LRRC7: variants seen among roughly 807,000 people sequenced by gnomAD.
The protein encoded by LRRC7 is leucine rich repeat containing 7.
Under a neutral mutation model 175.7 loss-of-function variants are expected in LRRC7, and 23 were observed. The observed-to-expected ratio is 0.13, with a 90% CI of 0.09 to 0.19. The LOEUF (loss-of-function observed/expected upper bound fraction) is 0.19, where lower values mean the gene tolerates loss of function less well. Among genes scored for constraint, LRRC7 ranks in the 10% least tolerant of loss-of-function variants. The pLI is 1.00. For synonymous variants in LRRC7, 685 were observed against 680.9 expected (o/e 1.01, Z -0.09); for missense variants, 1,354 against 1,904.7 (o/e 0.71, Z 5.38).
chr1:69,666,613 A>T (rs1658309549), intron 1 of LRRC7, among the ~76,000 whole-genome samples: 1 of 152,052 alleles, frequency 6.6e-6, no homozygotes, highest in Non-Finnish European at 1.5e-5. Flanking sequence ...ATACTTGCTC[A>T]TAGTAACCAC....
rs149613470 is a variant in LRRC7 at position 69,631,472 on chromosome 1, C to G, written c.3-46909C>G. Among the ~76,000 whole-genome samples the G allele has an allele frequency of 6.9e-3, 1,044 of 152,138 alleles. 7 individuals are homozygous for G. Among genetic ancestry groups the G allele is most frequent in the African/African-American group, 0.024 (987 of 41,506 alleles). On this transcript the variant is annotated intron_variant, in intron 1 of 26. Transcript: ENST00000651989. ...TGACTTGTAGCTACAAGGTTTATCTCAAGGTGTGATGTCATCTTGATGATT... is the reference window on the plus strand; with the variant it reads ...TGACTTGTAGCTACAAGGTTTATCTGAAGGTGTGATGTCATCTTGATGATT...
intron 23 of LRRC7, among the ~76,000 whole-genome samples, chr1:70,074,227 G>A (rs1025336447): frequency 2.6e-4 from 39 of 150,410 alleles, no homozygotes; most frequent in Non-Finnish European, 4.1e-4. Flanking sequence ...AAATACATCC[G>A]ATCAAAATGT....
intron 2 of LRRC7, among the ~76,000 whole-genome samples, chr1:69,710,845 A>G (rs1325539884): frequency 6.6e-6 from 1 of 152,140 alleles, no homozygotes; most frequent in Admixed American, 6.6e-5. Context: ...TTCATATTGC[A>G]TCCCAGAGCC....
At chr1:69,755,377 A>AAT (rs1670299095) in intron 2 of LRRC7, among the ~76,000 whole-genome samples, 1 of 148,996 alleles carries the variant, frequency 6.7e-6, no homozygotes. Flanking sequence ...ATCCTTGCAA[A>AAT]ATATATATAT....
At chr1:69,722,692 A>G (rs1666493010) in intron 2 of LRRC7, among the ~76,000 whole-genome samples, 1 of 152,058 alleles carries the variant, frequency 6.6e-6, no homozygotes, top group Non-Finnish European at 1.5e-5. Flanking sequence ...GAATTACTTC[A>G]AGTTGCGTTT....
intron 7 of LRRC7, among the ~76,000 whole-genome samples, chr1:69,897,014 T>C (rs183715454): frequency 6.6e-5 from 10 of 152,278 alleles, no homozygotes; most frequent in Admixed American, 2.6e-4. Context: ...TAATGCTTTG[T>C]TTTAGCATCA....
chr1:69,905,164 C>T (rs1397163402), intron 7 of LRRC7, among the ~76,000 whole-genome samples: 3 of 151,964 alleles, frequency 2.0e-5, no homozygotes, highest in Non-Finnish European at 4.4e-5. Context: ...CATGCATATG[C>T]CTTTATGCTA....
chr1:69,705,554 A>G (rs1663930866), intron 2 of LRRC7, among the ~76,000 whole-genome samples: 1 of 152,134 alleles, frequency 6.6e-6, no homozygotes, highest in Admixed American at 6.6e-5. Context: ...AAGAACAAAG[A>G]AAAGGTTTAG....
intron 1 of LRRC7, among the ~76,000 whole-genome samples, chr1:69,604,668 TA>T (rs1647247931): frequency 6.6e-6 from 1 of 151,846 alleles, no homozygotes; most frequent in Non-Finnish European, 1.5e-5. Context: ...AGTTTTGCTG[TA>T]ATTATTTTTA....
In LRRC7 at chr1:70,038,994, A is replaced by C. The variant is rs764114115; in HGVS notation, c.3170A>C (p.Gln1057Pro). ...GGAAGTAGTAAGGGGCCACAACAAC[A>C]AAAAGCTTCTATGACAAAAAAAGTC... The part of the protein sequence containing the change: ...TYGSSKGPQQ[Q>P]KASMTKKVYQ... The change falls in exon 21 of 27, where the codon CAA (glutamine) becomes CCA (proline). Residue 1057 changes from glutamine (Q) to proline (P), a missense_variant. Physicochemically the swap from Gln to Pro is moderately conservative, Grantham distance 76. This residue lies in a region of LRRC7 where 1,032 missense variants were observed against 1,227.2 expected (regional missense o/e 0.84). Coordinates refer to ENST00000651989, the MANE Select transcript of LRRC7 (RefSeq NM_001370785.2). 4 of 1,613,862 alleles carry C rather than the reference A, an allele frequency of 2.5e-6. No homozygotes were observed. The highest frequency in any genetic ancestry group is 2.2e-5 in the East Asian group (1 of 44,828).
chr1:69,677,921 C>T (rs1659999853), intron 1 of LRRC7, among the ~76,000 whole-genome samples: 1 of 151,970 alleles, frequency 6.6e-6, no homozygotes, highest in Non-Finnish European at 1.5e-5. Context: ...CTCCGTGTGT[C>T]CCCACATGGT....
rs569965877 is a variant in LRRC7 at position 69,640,045 on chromosome 1, G to C, written c.3-38336G>C. Among the ~76,000 whole-genome samples the C allele has an allele frequency of 1.1e-4, 17 of 151,734 alleles. No individual in the cohort carries two copies. In the South Asian group the frequency reaches 3.5e-3, roughly 32 times the overall value. On this transcript the variant is annotated intron_variant, in intron 1 of 26. Transcript: ENST00000651989. The stretch of plus-strand genomic sequence containing the variant: ...TGTCTACTTGATCTGAGGGTCTTTG[G>C]CAAAAACTTTATCATACTCTCAAAG...
chr1:69,811,528 C>T (rs1052873988), intron 4 of LRRC7, among the ~76,000 whole-genome samples: 11 of 152,202 alleles, frequency 7.2e-5, no homozygotes, highest in Middle Eastern at 3.4e-3. Context: ...CCCAAATGTC[C>T]ATCAATGACA....
Position 70,130,131 on chromosome 1 carries a change from C to T in LRRC7, c.*8244C>T, listed in dbSNP as rs1212246886. 6.6e-6 allele frequency: 1 copy of T among 152,122 alleles called. No homozygotes were observed. Among genetic ancestry groups the T allele is most frequent in the Admixed American group, 6.5e-5 (1 of 15,274 alleles). 9.4% of individuals were successfully genotyped at this position (152,122 alleles called of 1,614,324 possible). On this transcript the variant is annotated 3_prime_UTR_variant, in exon 27 of 27. Coordinates refer to ENST00000651989, the MANE Select transcript of LRRC7 (RefSeq NM_001370785.2). ...AATTTTTTCTTATGTTTTTTAGTAT[C>T]TTTCCCATTCTGCCTGAGATCATAG...
At chr1:69,803,098 A>G (rs188415840) in intron 4 of LRRC7, among the ~76,000 whole-genome samples, 41 of 151,412 alleles carry the variant, frequency 2.7e-4, no homozygotes, top group Non-Finnish European at 5.5e-4. Context: ...CAAACTATTC[A>G]TCCTGCTCCA....
At chr1:69,738,970 T>C (rs1430696222) in intron 2 of LRRC7, among the ~76,000 whole-genome samples, 2 of 152,066 alleles carry the variant, frequency 1.3e-5, no homozygotes, top group South Asian at 2.1e-4. Flanking sequence ...CGGACTATCA[T>C]TATTCCAAAA....
At chr1:69,614,582 G>A (rs1235339238) in intron 1 of LRRC7, among the ~76,000 whole-genome samples, 1 of 81,472 alleles carries the variant, frequency 1.2e-5, no homozygotes, top group Non-Finnish European at 3.0e-5. Context: ...AATTTGGACT[G>A]TGCTCTTTTG....
chr1:69,890,866 CT>C (rs1303377706), intron 7 of LRRC7, among the ~76,000 whole-genome samples: 1 of 152,200 alleles, frequency 6.6e-6, no homozygotes, highest in Non-Finnish European at 1.5e-5. Context: ...TAGCTTCAAA[CT>C]TTTCTTCTTC....
chr1:69,933,425 G>A (rs775585682), intron 8 of LRRC7, among the ~76,000 whole-genome samples: 1 of 152,130 alleles, frequency 6.6e-6, no homozygotes, highest in Non-Finnish European at 1.5e-5. Context: ...AAAACTAGTA[G>A]TTTTATACTT....
Sources: gnomAD v4.1 joint callset for allele counts (sites outside exome capture counted in the v4.1 genomes callset) on GRCh38, gnomAD v4.1.1 for gene constraint, gnomAD v4.1.1 regional missense constraint, MANE v1.5 for transcripts, NCBI Gene and HGNC (gene_info 2026-07-23, HGNC 2026-07-21) for gene names.